COP1: variants seen among roughly 807,000 people sequenced by gnomAD.
COP1 encodes COP1 E3 ubiquitin ligase.
Under a neutral mutation model 101.3 loss-of-function variants are expected in COP1, and 24 were observed. The ratio of observed to expected loss-of-function variants is 0.24; its 90% confidence interval spans 0.17 to 0.33. The LOEUF (loss-of-function observed/expected upper bound fraction) is 0.33, where lower values mean the gene tolerates loss of function less well. COP1 is among the 10% of genes least tolerant of loss of function. COP1 has a pLI of 1.00. For synonymous variants in COP1, 347 were observed against 341.9 expected (o/e 1.01, Z -0.17); for missense variants, 663 against 906.2 (o/e 0.73, Z 3.45).
chr1:175,954,177 A>G (rs76201789), intron 18 of COP1, among the ~76,000 whole-genome samples: 2,085 of 152,292 alleles, frequency 0.014, 56 homozygotes, highest in African/African-American at 0.048. Flanking sequence ...CAAATTTAAA[A>G]ATATACTCCC....
At chr1:175,963,505 T>A (rs549893758) in intron 18 of COP1, among the ~76,000 whole-genome samples, 30 of 152,338 alleles carry the variant, frequency 2.0e-4, no homozygotes, top group African/African-American at 6.5e-4. Context: ...TTTAGCTGTG[T>A]AATCTTGGGC....
intron 9 of COP1, among the ~76,000 whole-genome samples, 172 bp from the exon 10 acceptor site, chr1:176,086,062 T>C (rs1304125410): frequency 1.3e-5 from 2 of 152,050 alleles, no homozygotes; most frequent in Non-Finnish European, 2.9e-5. Flanking sequence ...AACATGAAAA[T>C]AGAAACCAAA....
At chr1:176,190,718 T>C (rs974414125) in intron 1 of COP1, among the ~76,000 whole-genome samples, 13 of 152,104 alleles carry the variant, frequency 8.5e-5, no homozygotes, top group African/African-American at 3.1e-4. Flanking sequence ...AAAAGCAGCA[T>C]CCAAACTTAT....
intron 9 of COP1, among the ~76,000 whole-genome samples, chr1:176,094,886 T>C (rs1682046604): frequency 6.6e-6 from 1 of 152,162 alleles, no homozygotes; most frequent in Non-Finnish European, 1.5e-5. Flanking sequence ...TTCTATTTCA[T>C]ATACTTAATA....
At position 176,185,253 on chromosome 1, in the gene COP1, A is replaced by G. The variant is rs904772222; in HGVS notation, c.408-561T>C. ...TGACTCATTTAATAGTTTCAACAAC[A>G]AAGTGAAATAGGTACCAACTACTAG... On this transcript the variant is annotated intron_variant, in intron 1 of 19. Coordinates refer to ENST00000367669, the MANE Select transcript of COP1 (RefSeq NM_022457.7). Among the ~76,000 whole-genome samples the G allele has an allele frequency of 1.2e-4, 18 of 152,218 alleles. 2 individuals are homozygous for G. Among genetic ancestry groups the G allele is most frequent in the Admixed American group, 9.2e-4 (14 of 15,278 alleles).
intron 12 of COP1, among the ~76,000 whole-genome samples, chr1:176,045,580 G>GAA (rs1671368513): frequency 1.6e-5 from 2 of 121,304 alleles, no homozygotes; most frequent in Admixed American, 8.8e-5. Flanking sequence ...TTGTTTAGAA[G>GAA]GAAAAAAAAA....
chr1:175,950,572 T>C (rs755553077), intron 18 of COP1, among the ~76,000 whole-genome samples: 1 of 152,216 alleles, frequency 6.6e-6, no homozygotes, highest in Non-Finnish European at 1.5e-5. Context: ...GGGCCTACTA[T>C]AAATAAGTTC....
At chr1:176,189,970 A>G (rs1227073441) in intron 1 of COP1, among the ~76,000 whole-genome samples, 1 of 152,040 alleles carries the variant, frequency 6.6e-6, no homozygotes, top group Non-Finnish European at 1.5e-5. Context: ...ATTAGAATGA[A>G]AAAGAAAGGA....
In COP1 at chr1:176,123,856, G is replaced by C. The variant is rs184595310; in HGVS notation, c.969-7175C>G. Among the ~76,000 whole-genome samples the C allele has an allele frequency of 2.3e-3, 356 of 152,216 alleles. 2 individuals carry two copies. The highest frequency in any genetic ancestry group is 8.1e-3 in the African/African-American group (337 of 41,532). On this transcript the variant is annotated intron_variant, in intron 8 of 19. Transcript: ENST00000367669. ...TATTCAAAAACATGTCAGTAACACA[G>C]ACTTATCACCAATTACTTAATCTTC...
intron 11 of COP1, among the ~76,000 whole-genome samples, chr1:176,050,109 A>G (rs1672280100): frequency 6.6e-6 from 1 of 152,236 alleles, no homozygotes; most frequent in African/African-American, 2.4e-5. Context: ...ACATACAAGT[A>G]TACTTTTGAA....
chr1:176,183,528 A>G (rs1462468548), intron 2 of COP1, among the ~76,000 whole-genome samples: 1 of 152,180 alleles, frequency 6.6e-6, no homozygotes, highest in African/African-American at 2.4e-5. Flanking sequence ...TGCAGCCCCT[A>G]TAGAAAACAG....
chr1:176,117,236 T>C (rs948864249), intron 8 of COP1, among the ~76,000 whole-genome samples: 4 of 152,198 alleles, frequency 2.6e-5, no homozygotes, highest in Non-Finnish European at 2.9e-5. Context: ...TGTGAAAAAC[T>C]GAACTATCAA....
At chr1:176,031,616 T>G (rs917726947) in intron 14 of COP1, among the ~76,000 whole-genome samples, 1 of 152,124 alleles carries the variant, frequency 6.6e-6, no homozygotes, top group African/African-American at 2.4e-5. Flanking sequence ...CTCCTTTGGC[T>G]CTCAGTAAAT....
rs1298597677 is a variant in COP1, at chr1:176,136,036, T to TCCCACATCACTTGATG, written c.891+451_891+452insCATCAAGTGATGTGGG. ...TACCCTATAAGACTCCCAAGGATCCTCCCATAAATTTCCTTAGGTAAACTA... is the reference window on the plus strand; with the variant it reads ...TACCCTATAAGACTCCCAAGGATCCTCCCACATCACTTGATGCCCATAAATTTCCTTAGGTAAACTA... On this transcript the variant is annotated intron_variant, in intron 7 of 19. Transcript: ENST00000367669. Among the ~76,000 whole-genome samples, 30 of 152,190 alleles carry TCCCACATCACTTGATG rather than the reference T, an allele frequency of 2.0e-4. 1 individual carries two copies. The highest frequency in any genetic ancestry group is 1.9e-3 in the Admixed American group (29 of 15,274).
At chr1:176,054,946 G>A (rs1673194121) in intron 11 of COP1, among the ~76,000 whole-genome samples, 1 of 152,154 alleles carries the variant, frequency 6.6e-6, no homozygotes, top group Non-Finnish European at 1.5e-5. Flanking sequence ...TGAAAATGCT[G>A]TATGAAGGTC....
At chr1:176,180,227 T>A (rs1412212410) in intron 2 of COP1, among the ~76,000 whole-genome samples, 1 of 152,184 alleles carries the variant, frequency 6.6e-6, no homozygotes, top group Non-Finnish European at 1.5e-5. Context: ...GAATTCAAAC[T>A]CAGTAAATGT....
At chr1:176,172,791 A>T (rs575147348) in intron 3 of COP1, among the ~76,000 whole-genome samples, 9 of 152,234 alleles carry the variant, frequency 5.9e-5, no homozygotes, top group African/African-American at 1.9e-4. Context: ...ATGGATCGAC[A>T]TATCTCAATG....
intron 2 of COP1, among the ~76,000 whole-genome samples, chr1:176,178,974 TTTTTTTTTTAG>T (rs1262257701): frequency 6.6e-6 from 1 of 151,788 alleles, no homozygotes; most frequent in African/African-American, 2.4e-5. Context: ...CAGGAGAATT[TTTTTTTTTTAG>T]TTTTTTTTTT....
chr1:176,055,784 A>T (rs1379559619), intron 11 of COP1, among the ~76,000 whole-genome samples: 1 of 152,096 alleles, frequency 6.6e-6, no homozygotes, highest in African/African-American at 2.4e-5. Context: ...TCATGAATTG[A>T]TTTAGTAATT....
Sources: allele counts gnomAD v4.1 joint callset (sites outside exome capture counted in the v4.1 genomes callset), GRCh38; gene constraint gnomAD v4.1.1; transcripts MANE v1.5; gene names NCBI Gene and HGNC (gene_info 2026-07-23, HGNC 2026-07-21).